Variants in B4GALT1 observed in about 807,000 individuals in gnomAD.
The protein encoded by B4GALT1 is N-acetyllactosamine synthase.
A neutral mutation model predicts 34.9 loss-of-function variants in B4GALT1; 16 were observed. The observed-to-expected ratio is 0.46, with a 90% CI of 0.31 to 0.70. The LOEUF is 0.70. Among genes scored for constraint, B4GALT1 ranks in the 30% least tolerant of loss-of-function variants. The pLI is 0.05. For synonymous variants in B4GALT1, 221 were observed against 218.1 expected, an observed-to-expected ratio of 1.01 and a Z score of -0.12; for missense variants, 445 against 530.5, an observed-to-expected ratio of 0.84 and a Z score of 1.58.
chr9:33,183,648 G>A, the B4GALT1 span, among the ~76,000 whole-genome samples: 1 of 95,998 alleles, frequency 1.0e-5, no homozygotes, highest in Non-Finnish European at 2.0e-5. Context: ...GGGGGGAGGG[G>A]GGAGGGATAG....
chr9:33,132,625 G>C (rs1840210405), intron 2 of B4GALT1, among the ~76,000 whole-genome samples: 1 of 152,226 alleles, frequency 6.6e-6, no homozygotes, highest in South Asian at 2.1e-4. Context: ...AGGTGGGCAG[G>C]AGCATGTAGC....
intron 4 of B4GALT1, 62 bp from the exon 5 acceptor site, chr9:33,113,940 C>CTAATCT: frequency 1.4e-6 from 2 of 1,466,210 alleles, no homozygotes; most frequent in South Asian, 2.3e-5. Flanking sequence ...CTGAGAGCCC[C>CTAATCT]GGCTGCAAGA....
intron 1 of B4GALT1, among the ~76,000 whole-genome samples, chr9:33,149,429 C>T (rs1163360852): frequency 1.3e-5 from 2 of 152,046 alleles, no homozygotes; most frequent in East Asian, 3.9e-4. Context: ...TACAAATGCG[C>T]CACCACGCCA....
chr9:33,131,572 T>C (rs879462755), intron 2 of B4GALT1, among the ~76,000 whole-genome samples: 5 of 152,112 alleles, frequency 3.3e-5, no homozygotes, highest in Non-Finnish European at 7.4e-5. Flanking sequence ...TAATCTTAAA[T>C]GGTATGTGTG....
intron 1 of B4GALT1, among the ~76,000 whole-genome samples, chr9:33,150,164 T>C (rs1020862158): frequency 3.5e-5 from 2 of 56,446 alleles, no homozygotes; most frequent in Non-Finnish European, 3.4e-5. Context: ...CACACACATA[T>C]ATATGAGAGA....
intron 1 of B4GALT1, among the ~76,000 whole-genome samples, chr9:33,139,907 G>A (rs778759961): frequency 6.6e-6 from 1 of 152,250 alleles, no homozygotes; most frequent in Non-Finnish European, 1.5e-5. Context: ...CTGGAAGCTG[G>A]GAGGCAGGGT....
Position 33,165,836 on chromosome 9 carries a change from C to G in B4GALT1, c.412+922G>C, listed in dbSNP as rs374385710. ...GCTCAGCCAGCTGCTATGAGGAATG[C>G]AAACTCACCTACTCAAGCTCTCTGC... On this transcript the variant is annotated intron_variant, in intron 1 of 5. Coordinates refer to ENST00000379731, the MANE Select transcript of B4GALT1 (RefSeq NM_001497.4). Among the ~76,000 whole-genome samples the G allele has an allele frequency of 6.6e-5, 10 of 152,350 alleles. No individual in the cohort carries two copies. The East Asian group carries it at 1.2e-3, about 18-fold the overall frequency.
the B4GALT1 span, among the ~76,000 whole-genome samples, chr9:33,178,024 C>G: frequency 7.4e-6 from 1 of 135,364 alleles, no homozygotes; most frequent in Non-Finnish European, 1.5e-5. Flanking sequence ...GGGTCTTGCT[C>G]TGTTACCCAG....
At chr9:33,121,782 C>CTGAA (rs529679969) in intron 2 of B4GALT1, among the ~76,000 whole-genome samples, 37 of 152,036 alleles carry the variant, frequency 2.4e-4, no homozygotes, top group African/African-American at 7.2e-4. Context: ...TGCTGGTTGG[C>CTGAA]TGAATGAATG....
At chr9:33,152,612 C>T (rs1840537646) in intron 1 of B4GALT1, among the ~76,000 whole-genome samples, 1 of 151,654 alleles carries the variant, frequency 6.6e-6, no homozygotes, top group African/African-American at 2.4e-5. Flanking sequence ...CACAGTGGCT[C>T]ACACCTGTAA....
At chr9:33,132,949 C>CTGGA (rs1421158205) in intron 2 of B4GALT1, among the ~76,000 whole-genome samples, 1 of 152,122 alleles carries the variant, frequency 6.6e-6, no homozygotes, top group Non-Finnish European at 1.5e-5. Flanking sequence ...GTTGCCCAGG[C>CTGGA]TGGAGTGCAG....
intron 5 of B4GALT1, 40 bp downstream of exon 5, chr9:33,113,734 T>A: frequency 6.2e-7 from 1 of 1,612,292 alleles, no homozygotes; most frequent in Admixed American, 1.7e-5. Flanking sequence ...GCCTACCTCA[T>A]CCTAAAGGGG....
chr9:33,142,815 T>C (rs1587741682), intron 1 of B4GALT1, among the ~76,000 whole-genome samples: 1 of 152,004 alleles, frequency 6.6e-6, no homozygotes, highest in East Asian at 1.9e-4. Context: ...CTCAGTACCC[T>C]GCATTTGGGA....
chr9:33,113,114 C>A lies in B4GALT1; in HGVS notation c.*340G>T. The stretch of plus-strand genomic sequence containing the variant: ...CCATAATTTAAAGAAAAATTCTAAC[C>A]TATTTCACGACAATTTAGCAATTCT... On this transcript the variant is annotated 3_prime_UTR_variant, in exon 6 of 6. Coordinates refer to ENST00000379731, the MANE Select transcript of B4GALT1 (RefSeq NM_001497.4). The A allele has an allele frequency of 9.4e-6, 3 of 319,486 alleles. No homozygotes were observed. The highest frequency in any genetic ancestry group is 3.6e-5 in the South Asian group (1 of 27,624). 19.8% of individuals were successfully genotyped at this position (319,486 alleles called of 1,614,324 possible).
upstream of B4GALT1, chr9:33,167,348 G>A (rs537196589): frequency 2.2e-5 from 17 of 763,916 alleles, no homozygotes; most frequent in African/African-American, 3.7e-5. Context: ...GCGAGAAGCC[G>A]CCCGAGGCGC....
At chr9:33,132,921 G>A (rs1840214853) in intron 2 of B4GALT1, among the ~76,000 whole-genome samples, 1 of 151,388 alleles carries the variant, frequency 6.6e-6, no homozygotes. Context: ...TTATTTTTTT[G>A]AGACAGAGTC....
chr9:33,184,850 A>T, the B4GALT1 span, among the ~76,000 whole-genome samples: 1 of 152,218 alleles, frequency 6.6e-6, no homozygotes, highest in East Asian at 1.9e-4. Context: ...TTAATTTTTT[A>T]AATATTCCAG....
chr9:33,104,131 T>C (rs1839775388), exon 3 of B4GALT1: 1 of 152,178 alleles, frequency 6.6e-6, no homozygotes, highest in African/African-American at 2.4e-5. Context: ...ATGGGTGTGG[T>C]AGTACCCTCG....
chr9:33,162,141 T>C (rs1378733897), intron 1 of B4GALT1, among the ~76,000 whole-genome samples: 2 of 152,212 alleles, frequency 1.3e-5, no homozygotes, highest in Non-Finnish European at 2.9e-5. Context: ...TTATAATCAT[T>C]ATAAAGCAGC....
Sources: allele counts gnomAD v4.1 joint callset (sites outside exome capture counted in the v4.1 genomes callset), GRCh38; gene constraint gnomAD v4.1.1; transcripts MANE v1.5; gene names NCBI Gene and HGNC (gene_info 2026-07-23, HGNC 2026-07-21).